Variants in GPATCH2 observed in about 807,000 individuals in gnomAD.
The protein encoded by GPATCH2 is G-patch domain containing 2.
In GPATCH2, 51 loss-of-function variants were observed where a neutral mutation model predicts 58.0. That is an observed-to-expected ratio of 0.88 (90% CI 0.70 to 1.11). GPATCH2 has a LOEUF of 1.11. Ranked by LOEUF, GPATCH2 falls within the 50% of genes most tolerant of loss-of-function variation. The pLI, the probability that GPATCH2 is intolerant of heterozygous loss-of-function variation, is 0.00. For missense variants in GPATCH2, 625 were observed against 652.2 expected (o/e 0.96, Z 0.45); for synonymous variants, 222 against 218.5 (o/e 1.02, Z -0.14).
At chr1:217,565,364 C>G (rs931391043) in intron 5 of GPATCH2, among the ~76,000 whole-genome samples, 1 of 151,940 alleles carries the variant, frequency 6.6e-6, no homozygotes, top group Non-Finnish European at 1.5e-5. Context: ...AGAAAAATTC[C>G]TAAGTAGAGA....
At chr1:217,509,299 C>A (rs1447760913) in intron 6 of GPATCH2, among the ~76,000 whole-genome samples, 4 of 152,088 alleles carry the variant, frequency 2.6e-5, no homozygotes, top group African/African-American at 7.2e-5. Context: ...CAAGATCGCG[C>A]CACTGCACTC....
intron 5 of GPATCH2, among the ~76,000 whole-genome samples, chr1:217,601,073 C>A (rs1296039579): frequency 1.3e-5 from 2 of 152,004 alleles, no homozygotes; most frequent in African/African-American, 2.4e-5. Flanking sequence ...GTATTTCATG[C>A]ATTTTTAAAA....
intron 5 of GPATCH2, among the ~76,000 whole-genome samples, chr1:217,565,218 C>T (rs74142471): frequency 0.031 from 4,673 of 152,148 alleles, 252 homozygotes; most frequent in African/African-American, 0.11. Context: ...TTTAGTCCAA[C>T]GCTTAAATCT....
chr1:217,622,438 A>G (rs528195093), intron 1 of GPATCH2, among the ~76,000 whole-genome samples: 1 of 152,378 alleles, frequency 6.6e-6, no homozygotes, highest in East Asian at 1.9e-4. Flanking sequence ...AATCTAATGC[A>G]TACAGCTTTT....
intron 8 of GPATCH2, among the ~76,000 whole-genome samples, chr1:217,467,336 T>C (rs2102496483): frequency 6.6e-6 from 1 of 152,288 alleles, no homozygotes; most frequent in East Asian, 1.9e-4. Flanking sequence ...AAAAGAAACC[T>C]GTTGCTGAAA....
intron 6 of GPATCH2, among the ~76,000 whole-genome samples, chr1:217,514,509 T>C (rs1179048759): frequency 6.6e-6 from 1 of 152,204 alleles, no homozygotes; most frequent in Admixed American, 6.5e-5. Context: ...AGAATAAGGA[T>C]GGAGGAGTAC....
chr1:217,620,369 G>T lies in GPATCH2; in HGVS notation c.187C>A (p.Arg63Ser). The T allele has an allele frequency of 3.1e-6, 5 of 1,613,864 alleles. No homozygotes were observed. Among genetic ancestry groups the T allele is most frequent in the Non-Finnish European group, 3.4e-6 (4 of 1,179,940 alleles). The change falls in exon 2 of 10, where the codon CGC becomes AGC. Residue 63 changes from arginine to serine, a missense_variant. Arg to Ser is a moderately radical substitution (Grantham distance 110). Coordinates refer to ENST00000366935, the MANE Select transcript of GPATCH2 (RefSeq NM_018040.5). ...HSRSISCPLK[R>S]QARKRRGRKR... ...CTCCCTCTCCTTTTCCTTGCCTGGC[G>T]TTTCAGAGGGCAAGATATACTTCGA...
At chr1:217,617,250 T>C (rs1251671431) in intron 2 of GPATCH2, among the ~76,000 whole-genome samples, 1 of 152,218 alleles carries the variant, frequency 6.6e-6, no homozygotes, top group Non-Finnish European at 1.5e-5. Context: ...TCACAATTCA[T>C]GCCTTTGCAC....
chr1:217,522,447 G>A lies in GPATCH2; in HGVS notation c.1099-7558C>T, dbSNP rs150224187. ...TGATAGTAAAGAATTTCACTTTGCC[G>A]TCCAGTTTTAGTAACAAGCTGTGAG... On this transcript the variant is annotated intron_variant, in intron 5 of 9. Transcript: ENST00000366935. Among the ~76,000 whole-genome samples the A allele has an allele frequency of 7.1e-3, 1,078 of 152,080 alleles. 6 individuals are homozygous for A. The highest frequency in any genetic ancestry group is 8.1e-3 in the African/African-American group (338 of 41,490).
intron 5 of GPATCH2, among the ~76,000 whole-genome samples, chr1:217,594,901 T>C (rs1256555845): frequency 6.6e-6 from 1 of 151,988 alleles, no homozygotes; most frequent in Non-Finnish European, 1.5e-5. Flanking sequence ...TTGGGAGAAA[T>C]AGGATGAAAG....
intron 5 of GPATCH2, among the ~76,000 whole-genome samples, chr1:217,523,476 G>GTA (rs1316729945): frequency 3.3e-5 from 5 of 151,748 alleles, no homozygotes; most frequent in African/African-American, 1.2e-4. Flanking sequence ...GTTTCAGAGA[G>GTA]CACAGGGTTG....
rs1658483058 is a variant in GPATCH2 at position 217,430,512 on chromosome 1, G to C, written c.*633C>G. The C allele has an allele frequency of 6.6e-6, 1 of 152,154 alleles. No homozygotes were observed. Among genetic ancestry groups the C allele is most frequent in the African/African-American group, 2.4e-5 (1 of 41,422 alleles). The allele number at this position is 152,154 out of a possible 1,614,324, so 9.4% of individuals were successfully genotyped here. ...GCACTCTGGTGATAACAACGATGAG[G>C]TTTATTTTTGTCAAAACATCCAAGG... On this transcript the variant is annotated 3_prime_UTR_variant, in exon 10 of 10. Coordinates refer to ENST00000366935, the MANE Select transcript of GPATCH2 (RefSeq NM_018040.5).
intron 6 of GPATCH2, among the ~76,000 whole-genome samples, chr1:217,501,398 T>C (rs1662295588): frequency 6.6e-6 from 1 of 152,176 alleles, no homozygotes; most frequent in African/African-American, 2.4e-5. Context: ...ATAAAGCTGC[T>C]GTTAACCTTA....
chr1:217,608,388 G>C, intron 5 of GPATCH2: 4 of 982,958 alleles, frequency 4.1e-6, no homozygotes, highest in African/African-American at 1.7e-5. Context: ...CACATATATA[G>C]TATGTCTCCA....
intron 5 of GPATCH2, among the ~76,000 whole-genome samples, chr1:217,597,927 G>A (rs923755159): frequency 6.6e-6 from 1 of 152,180 alleles, no homozygotes; most frequent in African/African-American, 2.4e-5. Flanking sequence ...ATCCAATCAT[G>A]TTTTTAATGT....
intron 1 of GPATCH2, among the ~76,000 whole-genome samples, chr1:217,622,791 C>T (rs1453619438): frequency 6.6e-6 from 1 of 152,232 alleles, no homozygotes; most frequent in Non-Finnish European, 1.5e-5. Context: ...GTGATCCACC[C>T]GCCACGCTTC....
intron 5 of GPATCH2, among the ~76,000 whole-genome samples, chr1:217,559,465 G>A (rs148990520): frequency 0.019 from 2,837 of 152,230 alleles, 42 homozygotes; most frequent in Middle Eastern, 0.085. Flanking sequence ...TTGAGAGCTG[G>A]CTACAGTCCT....
intron 5 of GPATCH2, among the ~76,000 whole-genome samples, chr1:217,578,159 T>C (rs1666899492): frequency 6.6e-6 from 1 of 151,692 alleles, no homozygotes; most frequent in South Asian, 2.1e-4. Context: ...CCAGTTTAAA[T>C]TGCAAGTAAT....
intron 5 of GPATCH2, among the ~76,000 whole-genome samples, chr1:217,571,832 T>C (rs1457838858): frequency 6.6e-6 from 1 of 151,310 alleles, no homozygotes; most frequent in Non-Finnish European, 1.5e-5. Flanking sequence ...GGTCAAGAGA[T>C]GGAGGTTGCA....
Sources: allele counts gnomAD v4.1 joint callset (sites outside exome capture counted in the v4.1 genomes callset), GRCh38; gene constraint gnomAD v4.1.1; transcripts MANE v1.5; gene names NCBI Gene and HGNC (gene_info 2026-07-23, HGNC 2026-07-21).